The following MGAT1 variants were observed in gnomAD, a reference collection of about 807,000 sequenced individuals.
MGAT1 encodes alpha-1,3-mannosyl-glycoprotein 2-beta-N-acetylglucosaminyltransferase, also known as N-glycosyl-oligosaccharide-glycoprotein N-acetylglucosaminyltransferase I.
Under a neutral mutation model 31.7 loss-of-function variants are expected in MGAT1, and 14 were observed. The ratio of observed to expected loss-of-function variants is 0.44; its 90% CI spans 0.29 to 0.69. MGAT1 has a LOEUF of 0.69. Among genes scored for constraint, MGAT1 ranks in the 30% least tolerant of loss-of-function variants. The probability of loss-of-function intolerance (pLI) is 0.12; values close to 1 mark genes in which losing one functional copy is unlikely to be tolerated. For missense variants in MGAT1, 557 were observed against 626.0 expected (o/e 0.89, Z 1.18); for synonymous variants, 338 against 276.0 (o/e 1.22, Z -2.23).
At chr5:180,807,966 C>A (rs1772075546) in intron 2 of MGAT1, among the ~76,000 whole-genome samples, 1 of 152,196 alleles carries the variant, frequency 6.6e-6, no homozygotes, top group African/African-American at 2.4e-5. Context: ...TTTCAAAATC[C>A]TTGTTTCATT....
chr5:180,813,390 C>G (rs960492875), intron 1 of MGAT1, among the ~76,000 whole-genome samples: 1 of 152,172 alleles, frequency 6.6e-6, no homozygotes, highest in Non-Finnish European at 1.5e-5. Flanking sequence ...TCATCTTTGT[C>G]TTATTCATTT....
intron 1 of MGAT1, among the ~76,000 whole-genome samples, chr5:180,814,924 G>A (rs1772775830): frequency 6.7e-6 from 1 of 149,200 alleles, no homozygotes; most frequent in Non-Finnish European, 1.5e-5. Flanking sequence ...CTAGGCGACA[G>A]AGTGAGACTC....
intron 1 of MGAT1, among the ~76,000 whole-genome samples, chr5:180,798,339 C>T (rs1304510459): frequency 3.3e-5 from 5 of 152,212 alleles, no homozygotes; most frequent in Non-Finnish European, 5.9e-5. Context: ...CATGTGCCAG[C>T]TCTGCTCTTC....
Position 180,792,794 on chromosome 5 carries a change from C to G in MGAT1, c.178G>C (p.Asp60His). 1.9e-6 allele frequency: 3 copies of G among 1,554,378 alleles called. No homozygotes were observed. The highest frequency in any genetic ancestry group is 2.6e-6 in the Non-Finnish European group (3 of 1,149,568). ...LTREVIRLAQ[D>H]AEVELERQRG... is the part of the protein sequence containing the mutation. Reference sequence around the variant, plus strand: ...TGCCGCTCCAGCTCCACCTCGGCGTCTTGGGCCAGGCGAATCACTTCCCGG... The same window carrying G: ...TGCCGCTCCAGCTCCACCTCGGCGTGTTGGGCCAGGCGAATCACTTCCCGG... The change falls in exon 2 of 2, where the codon GAC becomes CAC. Residue 60 changes from aspartate to histidine, a missense_variant. Physicochemically the swap from Asp to His is moderately conservative, Grantham distance 81. This residue lies in a region of MGAT1 where 167 missense variants were observed against 149.8 expected (regional missense o/e 1.11). Coordinates refer to ENST00000307826, the MANE Select transcript of MGAT1 (RefSeq NM_002406.4).
At position 180,792,353 on chromosome 5, in the gene MGAT1, C is replaced by A. The variant is rs1581798657; in HGVS notation, c.619G>T (p.Val207Leu). The A allele has an allele frequency of 6.2e-7, 1 of 1,611,268 alleles. No homozygotes were observed. Among genetic ancestry groups the A allele is most frequent in the Non-Finnish European group, 8.5e-7 (1 of 1,178,406 alleles). ...GCCACCTCCAGGTCATCCTCCACCA[C>A]CACGGCCGCGGGGAAGCGAAACTGC... ...FRQFRFPAAVVVEDDLEVAPD... is the reference protein window; with the variant it reads ...FRQFRFPAAVLVEDDLEVAPD... The change falls in exon 2 of 2, where the codon GTG (valine) becomes TTG (leucine). Residue 207 changes from valine (V) to leucine (L), a missense_variant. By Grantham distance (32) the Val-to-Leu change is conservative (BLOSUM62 1). Coordinates refer to ENST00000307826, the MANE Select transcript of MGAT1 (RefSeq NM_002406.4).
chr5:180,799,560 C>T (rs968393428), intron 1 of MGAT1, among the ~76,000 whole-genome samples: 1 of 152,204 alleles, frequency 6.6e-6, no homozygotes, highest in Non-Finnish European at 1.5e-5. Flanking sequence ...ACTCTATGAC[C>T]TCTGTGCCCA....
chr5:180,809,611 G>C (rs543482100), intron 1 of MGAT1: 1 of 151,930 alleles, frequency 6.6e-6, no homozygotes, highest in African/African-American at 2.4e-5. Context: ...TTGCAAAACT[G>C]TGCCAGAGAT....
chr5:180,794,715 A>G (rs1768974652), intron 1 of MGAT1, among the ~76,000 whole-genome samples: 1 of 152,128 alleles, frequency 6.6e-6, no homozygotes, highest in Non-Finnish European at 1.5e-5. Flanking sequence ...GTCTAGTGGT[A>G]GGTGTTTGGA....
Position 180,793,044 on chromosome 5 carries a change from C to G in MGAT1, c.-73G>C. The G allele has an allele frequency of 6.4e-7, 1 of 1,571,030 alleles. No individual in the cohort carries two copies. The highest frequency in any genetic ancestry group is 8.6e-7 in the Non-Finnish European group (1 of 1,156,558). On this transcript the variant is annotated 5_prime_UTR_variant, in exon 2 of 2. Transcript: ENST00000307826. ...CCTGGGCTTGCCCGGCTCCCTTGCC[C>G]GCAGTCCTAGGGATGCCTCCTCTGG...
rs1371247138 is a variant in MGAT1, at chr5:180,787,792, T to TG, written c.*3841dup. 6.6e-6 allele frequency: 1 copy of TG among 152,226 alleles called. No individual in the cohort carries two copies. Among genetic ancestry groups the TG allele is most frequent in the African/African-American group, 2.4e-5 (1 of 41,442 alleles). 9.4% of individuals were successfully genotyped at this position (152,226 alleles called of 1,614,324 possible). ...GGCAGGCTTCTCATGCAGGGCCCAG[T>TG]GAAGGCTCAGGAGGGCCTTGGCCAG... On this transcript the variant is annotated 3_prime_UTR_variant, in exon 2 of 2. Coordinates refer to ENST00000307826, the MANE Select transcript of MGAT1 (RefSeq NM_002406.4).
intron 1 of MGAT1, among the ~76,000 whole-genome samples, chr5:180,799,364 T>C (rs527339060): frequency 3.3e-5 from 5 of 152,126 alleles, no homozygotes; most frequent in East Asian, 1.9e-4. Flanking sequence ...ATCCTGGAAT[T>C]TGACCCACAG....
chr5:180,797,936 G>C (rs994440100), intron 1 of MGAT1, among the ~76,000 whole-genome samples: 1 of 147,646 alleles, frequency 6.8e-6, no homozygotes, highest in African/African-American at 2.5e-5. Flanking sequence ...AGTTAGTGCT[G>C]TGTGCACACA....
At chr5:180,813,737 C>T (rs1285605309) in intron 1 of MGAT1, among the ~76,000 whole-genome samples, 3 of 152,210 alleles carry the variant, frequency 2.0e-5, no homozygotes, top group Non-Finnish European at 2.9e-5. Context: ...CAGTGGACCC[C>T]TCTTTCCTAT....
At position 180,789,866 on chromosome 5, in the gene MGAT1, G is replaced by A. The variant is rs1464083363; in HGVS notation, c.*1768C>T. On this transcript the variant is annotated 3_prime_UTR_variant, in exon 2 of 2. Transcript: ENST00000307826. ...AGGATGGTCCCGAACTCCTGACTTC[G>A]TGATCCGTCCGCCTCAGCCTCCCAA... is the stretch of plus-strand genomic sequence containing the variant. The A allele has an allele frequency of 6.6e-6, 1 of 152,082 alleles. No homozygotes were observed. Among genetic ancestry groups the A allele is most frequent in the African/African-American group, 2.4e-5 (1 of 41,410 alleles). 9.4% of individuals were successfully genotyped at this position (152,082 alleles called of 1,614,324 possible).
upstream of MGAT1, chr5:180,802,915 C>T (rs1251503402): frequency 6.7e-6 from 1 of 149,644 alleles, no homozygotes; most frequent in Admixed American, 6.6e-5. Flanking sequence ...GCGCCCCGCC[C>T]CCCGGCCGGC....
At chr5:180,804,459 G>A (rs914061863), upstream of MGAT1, among the ~76,000 whole-genome samples, 2 of 152,268 alleles carry the variant, frequency 1.3e-5, no homozygotes, top group African/African-American at 2.4e-5. Flanking sequence ...CACCGAGGCC[G>A]CCGTGTGCAG....
chr5:180,807,332 C>T (rs934974727), upstream of MGAT1, among the ~76,000 whole-genome samples: 11 of 152,178 alleles, frequency 7.2e-5, no homozygotes, highest in African/African-American at 2.7e-4. Flanking sequence ...GTGCTCTACC[C>T]CTCCTTTCTG....
At chr5:180,802,455 G>A (rs527617601) in intron 1 of MGAT1, among the ~76,000 whole-genome samples, 1 of 152,270 alleles carries the variant, frequency 6.6e-6, no homozygotes, top group Admixed American at 6.5e-5. Flanking sequence ...AACAGCTGGA[G>A]GCCCGGGATT....
intron 1 of MGAT1, among the ~76,000 whole-genome samples, chr5:180,793,523 ATG>A: frequency 6.6e-6 from 1 of 152,276 alleles, no homozygotes; most frequent in African/African-American, 2.4e-5. Flanking sequence ...CACCCCACGA[ATG>A]TCAGGAGCAA....
Sources: gnomAD v4.1 joint callset for allele counts (sites outside exome capture counted in the v4.1 genomes callset) on GRCh38, gnomAD v4.1.1 for gene constraint, gnomAD v4.1.1 regional missense constraint, MANE v1.5 for transcripts, NCBI Gene and HGNC (gene_info 2026-07-23, HGNC 2026-07-21) for gene names.